Variants in MMAA observed in about 807,000 individuals in gnomAD.
MMAA encodes the protein methylmalonic aciduria type A protein, mitochondrial.
A neutral mutation model predicts 45.0 loss-of-function variants in MMAA; 41 were observed. The ratio of observed to expected loss-of-function variants is 0.91; its 90% CI spans 0.71 to 1.18. MMAA has a LOEUF of 1.18. MMAA is among the 50% of genes most tolerant of loss of function. The pLI, the probability that MMAA is intolerant of heterozygous loss-of-function variation, is 0.00. For missense variants in MMAA, 460 were observed against 495.7 expected (o/e 0.93, Z 0.68); for synonymous variants, 154 against 178.2 (o/e 0.86, Z 1.08).
chr4:145,639,761 A>G, intron 2 of MMAA, 183 bp downstream of exon 2: 1 of 984,470 alleles, frequency 1.0e-6, no homozygotes, highest in Non-Finnish European at 1.2e-6. Context: ...TTGCCATGAC[A>G]TTTGAACCAA....
intron 2 of MMAA, chr4:145,639,891 G>A: frequency 3.3e-6 from 3 of 903,758 alleles, no homozygotes; most frequent in Non-Finnish European, 4.0e-6. Context: ...TTTTCTTTTA[G>A]TAGTCCTTCT....
intron 1 of MMAA, among the ~76,000 whole-genome samples, chr4:145,623,144 G>A (rs765668405): frequency 6.6e-6 from 1 of 152,214 alleles, no homozygotes; most frequent in African/African-American, 2.4e-5. Flanking sequence ...CAAGGCACAA[G>A]TGTTGAAAAT....
intron 1 of MMAA, among the ~76,000 whole-genome samples, chr4:145,633,810 C>G (rs1727529684): frequency 6.6e-6 from 1 of 152,218 alleles, no homozygotes; most frequent in Non-Finnish European, 1.5e-5. Flanking sequence ...GCACCCCAAG[C>G]CCAGTAACAC....
At chr4:145,654,227 A>T (rs188844104) in intron 6 of MMAA, 84 bp downstream of exon 6, 204 of 1,483,764 alleles carry the variant, frequency 1.4e-4, no homozygotes, top group Non-Finnish European at 1.8e-4. Flanking sequence ...AACTAGACAT[A>T]TAATCAATCT....
intron 1 of MMAA, among the ~76,000 whole-genome samples, chr4:145,637,792 GTTAA>G (rs1265318463): frequency 1.3e-5 from 2 of 152,114 alleles, no homozygotes; most frequent in Non-Finnish European, 2.9e-5. Flanking sequence ...AAAAGCTAAG[GTTAA>G]TTGAGCTCTT....
intron 1 of MMAA, among the ~76,000 whole-genome samples, chr4:145,636,307 C>G (rs1053568206): frequency 6.6e-6 from 1 of 152,164 alleles, no homozygotes; most frequent in African/African-American, 2.4e-5. Context: ...AGTCTAGGTC[C>G]TCATCATCTC....
At chr4:145,648,922 G>A (rs898773194) in intron 4 of MMAA, among the ~76,000 whole-genome samples, 1 of 152,110 alleles carries the variant, frequency 6.6e-6, no homozygotes, top group Non-Finnish European at 1.5e-5. Context: ...GGGAGTCTGA[G>A]GCTGCAGTGA....
At chr4:145,630,920 G>A (rs1050748097) in intron 1 of MMAA, among the ~76,000 whole-genome samples, 1 of 152,086 alleles carries the variant, frequency 6.6e-6, no homozygotes, top group African/African-American at 2.4e-5. Flanking sequence ...TGTTCATTCA[G>A]GAACATGTTG....
chr4:145,627,739 CA>C (rs1734234323), intron 1 of MMAA, among the ~76,000 whole-genome samples: 1 of 151,970 alleles, frequency 6.6e-6, no homozygotes, highest in Non-Finnish European at 1.5e-5. Context: ...CATTTGTCAG[CA>C]AAAATGTGAA....
chr4:145,632,397 T>A (rs1578873135), intron 1 of MMAA, among the ~76,000 whole-genome samples: 1 of 152,208 alleles, frequency 6.6e-6, no homozygotes, highest in East Asian at 1.9e-4. Flanking sequence ...TGTATGTTGT[T>A]TGTTTCTTTT....
intron 1 of MMAA, among the ~76,000 whole-genome samples, chr4:145,631,827 T>C (rs904153959): frequency 6.6e-6 from 1 of 152,192 alleles, no homozygotes; most frequent in Admixed American, 6.5e-5. Context: ...GAGATTACTG[T>C]AAGACTTGCT....
chr4:145,645,604 C>T (rs1159616995), intron 3 of MMAA, among the ~76,000 whole-genome samples: 1 of 152,128 alleles, frequency 6.6e-6, no homozygotes, highest in Non-Finnish European at 1.5e-5. Context: ...AGAGATACTT[C>T]TGGCATGAGA....
At chr4:145,621,104 G>A (rs1349763202) in intron 1 of MMAA, among the ~76,000 whole-genome samples, 4 of 152,218 alleles carry the variant, frequency 2.6e-5, no homozygotes, top group Non-Finnish European at 5.9e-5. Flanking sequence ...ATTAGCACCT[G>A]CTTGATGCCA....
At chr4:145,639,790 AATAAT>A (rs1311834206) in intron 2 of MMAA, 52 of 984,330 alleles carry the variant, frequency 5.3e-5, no homozygotes, top group Non-Finnish European at 6.3e-5. Context: ...ATTTTAAGAA[AATAAT>A]ATAAGATTTT....
At chr4:145,638,137 A>T (rs1727670004) in intron 1 of MMAA, among the ~76,000 whole-genome samples, 2 of 152,192 alleles carry the variant, frequency 1.3e-5, no homozygotes, top group African/African-American at 4.8e-5. Context: ...TGGGAGGCCG[A>T]GGCGGGCGGC....
chr4:145,631,856 G>T (rs1182842138), intron 1 of MMAA, among the ~76,000 whole-genome samples: 1 of 151,822 alleles, frequency 6.6e-6, no homozygotes, highest in African/African-American at 2.4e-5. Flanking sequence ...TTACTATCTT[G>T]TCACCCATTA....
intron 2 of MMAA, among the ~76,000 whole-genome samples, chr4:145,640,479 G>A (rs762047051): frequency 2.6e-5 from 4 of 151,964 alleles, no homozygotes; most frequent in Non-Finnish European, 4.4e-5. Context: ...CATCATGCTT[G>A]GCTCCAATAT....
At chr4:145,624,525 G>A (rs761999789) in intron 1 of MMAA, 3 of 1,089,238 alleles carry the variant, frequency 2.8e-6, no homozygotes, top group African/African-American at 1.6e-5. Flanking sequence ...CTCTGACAAG[G>A]TGCTGTTCTT....
chr4:145,621,960 C>A (rs893117691), intron 1 of MMAA, among the ~76,000 whole-genome samples: 1 of 152,132 alleles, frequency 6.6e-6, no homozygotes, highest in Non-Finnish European at 1.5e-5. Flanking sequence ...ATTTTAGAAA[C>A]ATCAATTAAC....
Sources: allele counts gnomAD v4.1 joint callset (sites outside exome capture counted in the v4.1 genomes callset), GRCh38; gene constraint gnomAD v4.1.1; transcripts MANE v1.5; gene names NCBI Gene and HGNC (gene_info 2026-07-23, HGNC 2026-07-21).